GBE1: variants seen among roughly 807,000 people sequenced by gnomAD.
GBE1 encodes 1,4-alpha-glucan-branching enzyme.
In GBE1, 70 loss-of-function variants were observed where a neutral mutation model predicts 88.8. The ratio of observed to expected loss-of-function variants is 0.79; its 90% CI spans 0.65 to 0.96. The LOEUF (loss-of-function observed/expected upper bound fraction) is 0.96, where lower values mean the gene tolerates loss of function less well. GBE1 is among the 40% of genes least tolerant of loss of function. GBE1 has a pLI of 0.00. For missense variants in GBE1, 872 were observed against 871.0 expected, an observed-to-expected ratio of 1.00 and a Z score of -0.01; for synonymous variants, 284 against 300.1, an observed-to-expected ratio of 0.95 and a Z score of 0.56.
At chr3:81,760,700 T>C (rs766623309) in intron 1 of GBE1, among the ~76,000 whole-genome samples, 31 of 152,182 alleles carry the variant, frequency 2.0e-4, no homozygotes, top group African/African-American at 5.8e-4. Context: ...TAAAACGACA[T>C]TGGCCTGTAA....
chr3:81,633,360 T>TA (rs2107039852), intron 7 of GBE1, among the ~76,000 whole-genome samples: 1 of 152,302 alleles, frequency 6.6e-6, no homozygotes, highest in South Asian at 2.1e-4. Context: ...AAATTAAAGT[T>TA]AAACTTAGAA....
intron 2 of GBE1, among the ~76,000 whole-genome samples, chr3:81,693,911 A>T (rs11127740): frequency 6.6e-6 from 1 of 151,896 alleles, no homozygotes; most frequent in African/African-American, 2.4e-5. Context: ...AGAGAATAAA[A>T]CTTTGATATT....
intron 6 of GBE1, among the ~76,000 whole-genome samples, chr3:81,644,275 G>A (rs1452268866): frequency 6.6e-6 from 1 of 151,052 alleles, no homozygotes; most frequent in Non-Finnish European, 1.5e-5. Flanking sequence ...AGAAAACAAA[G>A]AAAAGCCACT....
chr3:81,728,907 C>T (rs1575768553), intron 1 of GBE1, among the ~76,000 whole-genome samples: 1 of 147,748 alleles, frequency 6.8e-6, no homozygotes, highest in African/African-American at 2.5e-5. Flanking sequence ...TTCACCCCCC[C>T]TTTTTTTTTT....
intron 14 of GBE1, among the ~76,000 whole-genome samples, chr3:81,519,909 C>T (rs957828104): frequency 6.6e-6 from 1 of 151,342 alleles, no homozygotes. Flanking sequence ...TACTTATATT[C>T]CCAGAAGTAT....
In GBE1 at chr3:81,501,996, CTT is replaced by C. The variant is rs35174865; in HGVS notation, c.1935-2771_1935-2770del. ...TTAATGAGCTACCATGCCTGGAATGCTTTTTTTTTTTTTTTCTCTTAATAAAG... is the reference window on the plus strand; with the variant it reads ...TTAATGAGCTACCATGCCTGGAATGCTTTTTTTTTTTTTCTCTTAATAAAG... On this transcript the variant is annotated intron_variant, in intron 14 of 15. Coordinates refer to ENST00000429644, the MANE Select transcript of GBE1 (RefSeq NM_000158.4). Among the ~76,000 whole-genome samples the C allele has an allele frequency of 4.9e-4, 68 of 137,678 alleles. 1 individual carries two copies. Among genetic ancestry groups the C allele is most frequent in the African/African-American group, 1.4e-3 (54 of 38,058 alleles). The allele number at this position is 137,678 out of a possible 152,430, so 90.3% of individuals were successfully genotyped here.
chr3:81,632,793 CAG>C (rs1704533603), intron 7 of GBE1, among the ~76,000 whole-genome samples: 3 of 152,108 alleles, frequency 2.0e-5, no homozygotes, highest in African/African-American at 7.2e-5. Context: ...TTTAATGACT[CAG>C]ACTCATTATC....
chr3:81,686,557 G>A (rs1230302350), intron 2 of GBE1, among the ~76,000 whole-genome samples: 1 of 152,116 alleles, frequency 6.6e-6, no homozygotes, highest in Non-Finnish European at 1.5e-5. Flanking sequence ...AGGAGTTTAA[G>A]ACCAGCCTGA....
intron 7 of GBE1, among the ~76,000 whole-genome samples, chr3:81,641,931 AATAC>A (rs1704687608): frequency 1.3e-5 from 2 of 149,250 alleles, no homozygotes; most frequent in South Asian, 4.2e-4. Context: ...ATATGTATAT[AATAC>A]ATATACATAT....
At chr3:81,547,410 A>G (rs1399003089) in intron 12 of GBE1, among the ~76,000 whole-genome samples, 2 of 151,588 alleles carry the variant, frequency 1.3e-5, no homozygotes, top group Non-Finnish European at 3.0e-5. Context: ...TGCAGGTGAC[A>G]GAATTACACA....
chr3:81,636,681 C>A (rs917499844), intron 7 of GBE1, among the ~76,000 whole-genome samples: 1 of 151,992 alleles, frequency 6.6e-6, no homozygotes, highest in Non-Finnish European at 1.5e-5. Flanking sequence ...CAGGCATGCA[C>A]CACCACACCC....
chr3:81,670,433 A>G (rs1300503021), intron 3 of GBE1, among the ~76,000 whole-genome samples: 1 of 152,212 alleles, frequency 6.6e-6, no homozygotes, highest in Non-Finnish European at 1.5e-5. Context: ...CGTCCAACAC[A>G]GCATCCCCTC....
intron 1 of GBE1, among the ~76,000 whole-genome samples, chr3:81,738,022 G>A (rs1166749356): frequency 3.3e-5 from 5 of 151,760 alleles, no homozygotes; most frequent in Admixed American, 6.6e-5. Flanking sequence ...TTGTTCTTGC[G>A]ATAGTTTACT....
chr3:81,750,920 T>C lies in GBE1; in HGVS notation c.143+10455A>G, dbSNP rs150815535. Among the ~76,000 whole-genome samples the C allele has an allele frequency of 4.9e-3, 749 of 151,490 alleles. 2 individuals carry two copies. The highest frequency in any genetic ancestry group is 0.017 in the African/African-American group (719 of 41,256). On this transcript the variant is annotated intron_variant, in intron 1 of 15. Coordinates refer to ENST00000429644, the MANE Select transcript of GBE1 (RefSeq NM_000158.4). ...ATCTCAAACTCCTGACCTCGTGATC[T>C]GCCCACCTCAGCCTCCAAAAGTGCT...
At chr3:81,508,061 T>C (rs1375619415) in intron 14 of GBE1, among the ~76,000 whole-genome samples, 2 of 152,212 alleles carry the variant, frequency 1.3e-5, no homozygotes, top group African/African-American at 4.8e-5. Flanking sequence ...TGGATTACTA[T>C]GCTTTCTGAA....
rs373557947 is a variant in GBE1, at chr3:81,535,236, C to A, written c.1893G>T (p.Lys631Asn). 1.2e-6 allele frequency: 2 copies of A among 1,611,028 alleles called. No individual in the cohort carries two copies. The highest frequency in any genetic ancestry group is 2.7e-5 in the African/African-American group (2 of 74,594). ...LLFIFNFHPSKSYTDYRVGTA... is the reference protein window; with the variant it reads ...LLFIFNFHPSNSYTDYRVGTA... ...TTCCAACTCGGTAGTCAGTGTAGCTCTTGCTTGGATGGAAGTTGAAAATGA... is the reference window on the plus strand; with the variant it reads ...TTCCAACTCGGTAGTCAGTGTAGCTATTGCTTGGATGGAAGTTGAAAATGA... Residue 631 changes from lysine to asparagine, a missense_variant, in exon 14 of 16, where the codon AAG becomes AAT. Lys to Asn is a moderately conservative substitution (Grantham distance 94). Transcript: ENST00000429644.
intron 12 of GBE1, among the ~76,000 whole-genome samples, chr3:81,563,271 T>A (rs972650818): frequency 1.3e-5 from 2 of 152,096 alleles, no homozygotes; most frequent in Admixed American, 6.6e-5. Context: ...GTGAGCCAAA[T>A]AACAAGCATT....
intron 14 of GBE1, among the ~76,000 whole-genome samples, chr3:81,503,361 G>T (rs1702615011): frequency 6.6e-6 from 1 of 151,980 alleles, no homozygotes; most frequent in Non-Finnish European, 1.5e-5. Flanking sequence ...GCTGGGTTAG[G>T]GTCTTAAGAC....
At chr3:81,499,293 G>A in intron 14 of GBE1, 66 bp from the exon 15 acceptor site, 1 of 921,270 alleles carries the variant, frequency 1.1e-6, no homozygotes, top group Non-Finnish European at 1.8e-6. Flanking sequence ...TACGTGCTGA[G>A]AGAGCAATTT....
Sources: gnomAD v4.1 joint callset for allele counts (sites outside exome capture counted in the v4.1 genomes callset) on GRCh38, gnomAD v4.1.1 for gene constraint, MANE v1.5 for transcripts, NCBI Gene and HGNC (gene_info 2026-07-23, HGNC 2026-07-21) for gene names.